CNTN4: variants seen among roughly 807,000 people sequenced by gnomAD.
CNTN4 encodes the protein contactin 4.
Under a neutral mutation model 122.5 loss-of-function variants are expected in CNTN4, and 77 were observed. That is an observed-to-expected ratio of 0.63 (90% CI 0.52 to 0.76). The LOEUF is 0.76. CNTN4 is among the 30% of genes least tolerant of loss of function. The probability of loss-of-function intolerance (pLI) is 0.00; values close to 1 mark genes in which losing one functional copy is unlikely to be tolerated. For missense variants in CNTN4, 1,256 were observed against 1,259.1 expected, an observed-to-expected ratio of 1.00 and a Z score of 0.04; for synonymous variants, 512 against 447.0, an observed-to-expected ratio of 1.15 and a Z score of -1.83.
chr3:2,415,122 C>A (rs1199934828), intron 3 of CNTN4, among the ~76,000 whole-genome samples: 2 of 152,188 alleles, frequency 1.3e-5, no homozygotes, highest in Non-Finnish European at 2.9e-5. Context: ...TCTGACTTCT[C>A]AGTTGCCTTA....
intron 12 of CNTN4, among the ~76,000 whole-genome samples, chr3:2,922,772 C>T (rs2094441334): frequency 6.6e-6 from 1 of 151,972 alleles, no homozygotes; most frequent in Admixed American, 6.6e-5. Context: ...ACACCACGCC[C>T]AGCTAATTTT....
chr3:2,374,539 C>T (rs2045749048), intron 3 of CNTN4, among the ~76,000 whole-genome samples: 1 of 152,070 alleles, frequency 6.6e-6, no homozygotes, highest in African/African-American at 2.4e-5. Context: ...TTCACATAAA[C>T]TAAAAACCTC....
chr3:2,614,741 G>A (rs936622503), intron 4 of CNTN4, among the ~76,000 whole-genome samples: 10 of 152,104 alleles, frequency 6.6e-5, no homozygotes, highest in African/African-American at 2.2e-4. Context: ...TATTGAAATA[G>A]AGATGCCTGT....
intron 4 of CNTN4, among the ~76,000 whole-genome samples, chr3:2,587,512 T>C (rs900493943): frequency 2.6e-5 from 4 of 152,204 alleles, no homozygotes; most frequent in African/African-American, 9.6e-5. Context: ...GATACCGTCT[T>C]TGGGAATGCT....
intron 2 of CNTN4, among the ~76,000 whole-genome samples, chr3:2,148,097 A>G (rs71309871): frequency 0.01 from 1,590 of 152,170 alleles, 22 homozygotes; most frequent in Non-Finnish European, 0.017. Flanking sequence ...TGGCTCCCAT[A>G]TGGTTGATTG....
chr3:2,700,411 T>G (rs373474399), intron 4 of CNTN4, among the ~76,000 whole-genome samples: 22 of 152,298 alleles, frequency 1.4e-4, no homozygotes, highest in African/African-American at 4.8e-4. Flanking sequence ...GAATGCATGA[T>G]TTGGTTTGTA....
At chr3:2,372,582 A>G (rs530785629) in intron 3 of CNTN4, among the ~76,000 whole-genome samples, 39 of 152,328 alleles carry the variant, frequency 2.6e-4, no homozygotes, top group Non-Finnish European at 4.9e-4. Flanking sequence ...AAGGAAAGCA[A>G]TGTTTCCAAG....
intron 12 of CNTN4, among the ~76,000 whole-genome samples, chr3:2,925,294 G>T (rs1967174): frequency 0.42 from 63,815 of 152,106 alleles, 13,888 homozygotes; most frequent in East Asian, 0.68. Flanking sequence ...GGTGGCTCAT[G>T]CCTGTAATCC....
chr3:2,724,035 A>T (rs939531457), intron 4 of CNTN4, among the ~76,000 whole-genome samples: 1 of 152,186 alleles, frequency 6.6e-6, no homozygotes, highest in African/African-American at 2.4e-5. Context: ...TCAGTAAATG[A>T]TGGTTATTAT....
At chr3:2,285,129 A>T (rs1417949136) in intron 2 of CNTN4, among the ~76,000 whole-genome samples, 1 of 152,058 alleles carries the variant, frequency 6.6e-6, no homozygotes, top group Admixed American at 6.6e-5. Flanking sequence ...GCACTATGGA[A>T]TTCAAAAATG....
chr3:2,556,583 G>A lies in CNTN4; in HGVS notation c.-88-14833G>A, dbSNP rs138416591. Among the ~76,000 whole-genome samples, 236 of 151,784 alleles carry A rather than the reference G, an allele frequency of 1.6e-3. 2 individuals carry two copies. Among genetic ancestry groups the A allele is most frequent in the Non-Finnish European group, 2.8e-3 (189 of 67,938 alleles). ...CAACAAATTATACTGTTAACAGCTC[G>A]GCCCTGGTAAGTTTTATATATGTGT... is the stretch of plus-strand genomic sequence containing the variant. On this transcript the variant is annotated intron_variant, in intron 3 of 24. Transcript: ENST00000418658.
chr3:2,928,040 T>C (rs2094489315), intron 13 of CNTN4, among the ~76,000 whole-genome samples: 1 of 152,200 alleles, frequency 6.6e-6, no homozygotes, highest in African/African-American at 2.4e-5. Context: ...TGCTGGGGAC[T>C]TCAGTGTTTG....
At chr3:2,587,023 C>A (rs1238155222) in intron 4 of CNTN4, among the ~76,000 whole-genome samples, 1 of 152,106 alleles carries the variant, frequency 6.6e-6, no homozygotes, top group African/African-American at 2.4e-5. Flanking sequence ...TTCAAACATG[C>A]CTTCAAACCC....
At chr3:2,491,203 G>A (rs866088409) in intron 3 of CNTN4, among the ~76,000 whole-genome samples, 1 of 152,040 alleles carries the variant, frequency 6.6e-6, no homozygotes, top group South Asian at 2.1e-4. Flanking sequence ...AATGTCTGTA[G>A]GAAACAGCTT....
chr3:2,193,378 C>T (rs1266476553), intron 2 of CNTN4, among the ~76,000 whole-genome samples: 4 of 151,286 alleles, frequency 2.6e-5, no homozygotes, highest in African/African-American at 9.7e-5. Context: ...TGATAGAGAA[C>T]ATCAGGGTGA....
intron 3 of CNTN4, among the ~76,000 whole-genome samples, chr3:2,411,982 C>T (rs1024063161): frequency 6.6e-6 from 1 of 152,006 alleles, no homozygotes; most frequent in African/African-American, 2.4e-5. Flanking sequence ...CTGTCAATAC[C>T]TCTTCTATCC....
chr3:2,705,035 G>T (rs1448527147), intron 4 of CNTN4, among the ~76,000 whole-genome samples: 2 of 151,562 alleles, frequency 1.3e-5, no homozygotes, highest in Non-Finnish European at 2.9e-5. Context: ...ACATATGTGT[G>T]TATATATATA....
chr3:2,548,834 C>T (rs376091996), intron 3 of CNTN4, among the ~76,000 whole-genome samples: 20 of 152,028 alleles, frequency 1.3e-4, no homozygotes, highest in East Asian at 3.9e-4. Flanking sequence ...CTTTTGTTTG[C>T]GTCGTCTCTT....
At chr3:2,891,064 T>G (rs1366929347) in intron 10 of CNTN4, among the ~76,000 whole-genome samples, 1 of 152,202 alleles carries the variant, frequency 6.6e-6, no homozygotes, top group East Asian at 1.9e-4. Flanking sequence ...ACAAAATCCC[T>G]GCCCTCAAGG....
Sources: allele counts gnomAD v4.1 joint callset (sites outside exome capture counted in the v4.1 genomes callset), GRCh38; gene constraint gnomAD v4.1.1; transcripts MANE v1.5; gene names NCBI Gene and HGNC (gene_info 2026-07-23, HGNC 2026-07-21).